Variants in NOX4 observed in about 807,000 individuals in gnomAD.
NOX4 encodes the protein NADPH oxidase 4, also known as kidney oxidase-1.
In NOX4, 69 loss-of-function variants were observed where a neutral mutation model predicts 87.6. The observed-to-expected ratio is 0.79, with a 90% confidence interval of 0.65 to 0.96. The LOEUF (loss-of-function observed/expected upper bound fraction) is 0.96. Among genes scored for constraint, NOX4 ranks in the 40% least tolerant of loss-of-function variants. NOX4 has a pLI of 0.00. For missense variants in NOX4, 680 were observed against 681.5 expected, an observed-to-expected ratio of 1.00 and a Z score of 0.02; for synonymous variants, 275 against 238.2, an observed-to-expected ratio of 1.15 and a Z score of -1.42.
chr11:89,484,088 G>C (rs919616104), intron 2 of NOX4, among the ~76,000 whole-genome samples: 1 of 152,072 alleles, frequency 6.6e-6, no homozygotes, highest in African/African-American at 2.4e-5. Context: ...CTAAAGTCTA[G>C]TATTAGCCAG....
the NOX4 span, among the ~76,000 whole-genome samples, chr11:89,506,440 T>C: frequency 6.6e-6 from 1 of 151,694 alleles, no homozygotes; most frequent in Admixed American, 6.6e-5. Context: ...TAACTCAAAA[T>C]GGATCATAGA....
rs1379877792 is a variant in NOX4, at chr11:89,326,789, T to C, written c.1704A>G (p.Thr568=). ...AAGACTCTTTATTGTATTCAAATCTTGTCCCATATGAGTTGTTCTGGTTAC... is the reference window on the plus strand; with the variant it reads ...AAGACTCTTTATTGTATTCAAATCTCGTCCCATATGAGTTGTTCTGGTTAC... ...KLSNQNNSYG[T]RFEYNKESFS Residue 568 remains threonine (T), a synonymous_variant, in exon 18 of 18, where the codon ACA becomes ACG. Coordinates refer to ENST00000263317, the MANE Select transcript of NOX4 (RefSeq NM_016931.5). The C allele has an allele frequency of 3.1e-6, 5 of 1,613,372 alleles. No homozygotes were observed. Among genetic ancestry groups the C allele is most frequent in the Non-Finnish European group, 4.2e-6 (5 of 1,179,608 alleles).
chr11:89,438,196 T>C (rs1188535680), intron 6 of NOX4, among the ~76,000 whole-genome samples: 3 of 145,660 alleles, frequency 2.1e-5, no homozygotes, highest in African/African-American at 7.6e-5. Context: ...AAGTATTAGT[T>C]ATTAGTATAA....
chr11:89,578,040 C>A, the NOX4 span, among the ~76,000 whole-genome samples: 1 of 152,044 alleles, frequency 6.6e-6, no homozygotes, highest in Admixed American at 6.5e-5. Flanking sequence ...TTTCTTAGGG[C>A]CCTAGGAGGT....
chr11:89,579,942 T>C, the NOX4 span, among the ~76,000 whole-genome samples: 1 of 151,690 alleles, frequency 6.6e-6, no homozygotes, highest in Non-Finnish European at 1.5e-5. Flanking sequence ...TTAGAAGATA[T>C]GTAAATTGAT....
the NOX4 span, among the ~76,000 whole-genome samples, chr11:89,583,309 AT>A: frequency 6.6e-6 from 1 of 152,032 alleles, no homozygotes; most frequent in South Asian, 2.1e-4. Flanking sequence ...AATATTGTTT[AT>A]TTTTAACATT....
intron 12 of NOX4, among the ~76,000 whole-genome samples, chr11:89,369,803 A>T (rs1278236251): frequency 3.3e-5 from 5 of 151,968 alleles, no homozygotes; most frequent in Admixed American, 6.6e-5. Context: ...ACCAAAAGCC[A>T]TTCACAGTGA....
chr11:89,501,387 G>T (rs1414481773), upstream of NOX4, among the ~76,000 whole-genome samples: 4 of 151,956 alleles, frequency 2.6e-5, no homozygotes, highest in Non-Finnish European at 5.9e-5. Context: ...CGGTAGTTTT[G>T]GGTGGTATTA....
At chr11:89,492,147 C>A (rs567361706), upstream of NOX4, 6 of 152,234 alleles carry the variant, frequency 3.9e-5, no homozygotes, top group East Asian at 9.7e-4. Flanking sequence ...TAATAGGAAT[C>A]CTCTCAATCT....
the NOX4 span, among the ~76,000 whole-genome samples, chr11:89,561,956 T>C: frequency 0.033 from 4,985 of 152,210 alleles, 270 homozygotes; most frequent in African/African-American, 0.11. Context: ...CTGTAGATGT[T>C]TGAGGAAAGT....
At chr11:89,572,907 T>C in the NOX4 span, among the ~76,000 whole-genome samples, 2 of 152,174 alleles carry the variant, frequency 1.3e-5, no homozygotes, top group African/African-American at 4.8e-5. Flanking sequence ...ATTTGTCTTA[T>C]GTAGTCTTAT....
chr11:89,391,180 G>T (rs1459654096), intron 11 of NOX4, among the ~76,000 whole-genome samples: 3 of 152,124 alleles, frequency 2.0e-5, no homozygotes, highest in Non-Finnish European at 4.4e-5. Flanking sequence ...GAGGAGAACA[G>T]ATATTAATTA....
intron 8 of NOX4, among the ~76,000 whole-genome samples, chr11:89,419,141 G>A (rs1942952693): frequency 6.6e-6 from 1 of 152,022 alleles, no homozygotes; most frequent in Admixed American, 6.6e-5. Context: ...TAGACATCAT[G>A]CAATATATTG....
upstream of NOX4, among the ~76,000 whole-genome samples, chr11:89,491,847 G>A (rs1382072215): frequency 6.6e-6 from 1 of 151,500 alleles, no homozygotes; most frequent in Non-Finnish European, 1.5e-5. Context: ...AATTTGAGCC[G>A]GAAACAGCCT....
At chr11:89,365,414 G>A (rs1229374126) in intron 12 of NOX4, among the ~76,000 whole-genome samples, 2 of 150,746 alleles carry the variant, frequency 1.3e-5, no homozygotes, top group Admixed American at 6.6e-5. Flanking sequence ...GGCGTTTATT[G>A]CCACAGAGGC....
At chr11:89,382,955 A>C (rs531888991) in intron 11 of NOX4, among the ~76,000 whole-genome samples, 1 of 151,990 alleles carries the variant, frequency 6.6e-6, no homozygotes, top group Non-Finnish European at 1.5e-5. Flanking sequence ...CAATTCTTAG[A>C]CCCTTTACCG....
chr11:89,333,816 C>G (rs1945581595), intron 17 of NOX4, among the ~76,000 whole-genome samples: 1 of 151,750 alleles, frequency 6.6e-6, no homozygotes, highest in Non-Finnish European at 1.5e-5. Context: ...AAAAATCCTT[C>G]AGAAAATGTA....
At chr11:89,382,110 C>T (rs1325664941) in intron 11 of NOX4, among the ~76,000 whole-genome samples, 2 of 152,122 alleles carry the variant, frequency 1.3e-5, no homozygotes, top group East Asian at 3.9e-4. Flanking sequence ...TGCCTTGATC[C>T]TTCACCTTAG....
intron 9 of NOX4, 92 bp downstream of exon 9, chr11:89,402,234 G>C: frequency 1.1e-6 from 1 of 911,510 alleles, no homozygotes; most frequent in Non-Finnish European, 1.8e-6. Context: ...TATTATGCAT[G>C]AATATATAGC....
Sources: allele counts gnomAD v4.1 joint callset (sites outside exome capture counted in the v4.1 genomes callset), GRCh38; gene constraint gnomAD v4.1.1; transcripts MANE v1.5; gene names NCBI Gene and HGNC (gene_info 2026-07-23, HGNC 2026-07-21).